JAKMIP2: variants seen among roughly 807,000 people sequenced by gnomAD.
JAKMIP2 encodes the protein janus kinase and microtubule-interacting protein 2.
In JAKMIP2, 25 loss-of-function variants were observed where a neutral mutation model predicts 115.0. The observed-to-expected ratio is 0.22, with a 90% CI of 0.16 to 0.30. The LOEUF (loss-of-function observed/expected upper bound fraction) is 0.30. JAKMIP2 is among the 10% of genes least tolerant of loss of function. JAKMIP2 has a pLI of 1.00. For synonymous variants in JAKMIP2, 334 were observed against 343.6 expected (o/e 0.97, Z 0.31); for missense variants, 642 against 957.6 (o/e 0.67, Z 4.35).
chr5:147,731,080 G>A (rs1279932796), intron 1 of JAKMIP2, among the ~76,000 whole-genome samples: 5 of 152,096 alleles, frequency 3.3e-5, no homozygotes, highest in Non-Finnish European at 7.3e-5. Flanking sequence ...AAATGAATGG[G>A]CAGGAAATGA....
intron 2 of JAKMIP2, among the ~76,000 whole-genome samples, chr5:147,670,003 C>T (rs1759498276): frequency 6.6e-6 from 1 of 152,228 alleles, no homozygotes; most frequent in African/African-American, 2.4e-5. Context: ...GATAGAGACA[C>T]TGTGACATTT....
chr5:147,707,138 T>C (rs1472978039), intron 1 of JAKMIP2, among the ~76,000 whole-genome samples: 1 of 152,138 alleles, frequency 6.6e-6, no homozygotes, highest in African/African-American at 2.4e-5. Context: ...GCCACCATGT[T>C]GAGTCCCAGA....
At chr5:147,715,166 A>C (rs1455735049) in intron 1 of JAKMIP2, among the ~76,000 whole-genome samples, 2 of 152,118 alleles carry the variant, frequency 1.3e-5, no homozygotes, top group Non-Finnish European at 2.9e-5. Flanking sequence ...TATAACTTCT[A>C]AGTTAATAGA....
intron 1 of JAKMIP2, among the ~76,000 whole-genome samples, chr5:147,684,246 T>C (rs1052489751): frequency 6.6e-6 from 1 of 150,746 alleles, no homozygotes; most frequent in Non-Finnish European, 1.5e-5. Flanking sequence ...GAGTTAAAGA[T>C]AATACAATAT....
At chr5:147,657,695 T>C (rs1324047463) in intron 3 of JAKMIP2, among the ~76,000 whole-genome samples, 1 of 152,104 alleles carries the variant, frequency 6.6e-6, no homozygotes, top group Non-Finnish European at 1.5e-5. Flanking sequence ...GAGGCTCTGT[T>C]CATTCCTTTT....
At chr5:147,679,777 C>T (rs193091048) in intron 1 of JAKMIP2, among the ~76,000 whole-genome samples, 1 of 152,290 alleles carries the variant, frequency 6.6e-6, no homozygotes, top group Non-Finnish European at 1.5e-5. Flanking sequence ...AACTCAAATA[C>T]ACATGTCAGT....
At chr5:147,698,710 T>G (rs1020154000) in intron 1 of JAKMIP2, among the ~76,000 whole-genome samples, 3 of 152,168 alleles carry the variant, frequency 2.0e-5, no homozygotes, top group Non-Finnish European at 4.4e-5. Flanking sequence ...TGCTTCCCCT[T>G]CTGCCATGAT....
At chr5:147,685,781 T>C (rs1179591879) in intron 1 of JAKMIP2, among the ~76,000 whole-genome samples, 1 of 152,220 alleles carries the variant, frequency 6.6e-6, no homozygotes, top group Non-Finnish European at 1.5e-5. Context: ...TATATAAAGA[T>C]AGGTGTTCAA....
chr5:147,671,115 G>A (rs1759562209), intron 2 of JAKMIP2, among the ~76,000 whole-genome samples: 1 of 152,182 alleles, frequency 6.6e-6, no homozygotes, highest in Admixed American at 6.5e-5. Context: ...AATGTGATTG[G>A]GGTCTCTCTC....
chr5:147,715,326 G>C (rs550026322), intron 1 of JAKMIP2, among the ~76,000 whole-genome samples: 1 of 151,786 alleles, frequency 6.6e-6, no homozygotes, highest in African/African-American at 2.4e-5. Context: ...ATTAAATTTA[G>C]ATAAATGAAA....
intron 2 of JAKMIP2, among the ~76,000 whole-genome samples, chr5:147,670,989 G>T (rs1759553630): frequency 6.6e-6 from 1 of 152,188 alleles, no homozygotes; most frequent in Non-Finnish European, 1.5e-5. Context: ...ACCTGACAAT[G>T]GGGAAGTGTT....
intron 1 of JAKMIP2, among the ~76,000 whole-genome samples, chr5:147,771,429 A>C (rs1755349255): frequency 6.6e-6 from 1 of 152,076 alleles, no homozygotes; most frequent in Non-Finnish European, 1.5e-5. Context: ...ATAAAACAAA[A>C]ACTAGCATTA....
intron 1 of JAKMIP2, among the ~76,000 whole-genome samples, chr5:147,758,495 CA>C (rs1429302192): frequency 3.9e-5 from 6 of 152,052 alleles, no homozygotes. Flanking sequence ...ACCTTCAAAT[CA>C]TAGAACAAAA....
intron 12 of JAKMIP2, among the ~76,000 whole-genome samples, chr5:147,633,983 C>G (rs1250601616): frequency 6.6e-6 from 1 of 152,144 alleles, no homozygotes; most frequent in Non-Finnish European, 1.5e-5. Context: ...AGCCATTGTG[C>G]CCGGCTGTCA....
At chr5:147,653,702 C>T (rs1321419409) in intron 3 of JAKMIP2, among the ~76,000 whole-genome samples, 7 of 152,136 alleles carry the variant, frequency 4.6e-5, no homozygotes, top group Non-Finnish European at 7.4e-5. Context: ...TGTGCAGAAG[C>T]CCTTTAGTTT....
chr5:147,597,873 C>T (rs946812471), intron 21 of JAKMIP2, among the ~76,000 whole-genome samples: 4 of 152,204 alleles, frequency 2.6e-5, no homozygotes, highest in Admixed American at 2.0e-4. Context: ...CTAGTAACTC[C>T]AGGTCCTTCA....
chr5:147,776,491 A>G (rs1028767413), intron 1 of JAKMIP2, among the ~76,000 whole-genome samples: 1 of 152,230 alleles, frequency 6.6e-6, no homozygotes, highest in African/African-American at 2.4e-5. Context: ...CAGTAAGTCA[A>G]TTAAACCTCT....
chr5:147,635,803 C>T (rs1217612060), intron 12 of JAKMIP2, among the ~76,000 whole-genome samples: 1 of 152,138 alleles, frequency 6.6e-6, no homozygotes, highest in African/African-American at 2.4e-5. Flanking sequence ...TCAGGTGATC[C>T]ACCCACCTCG....
At chr5:147,608,167 A>G (rs959728308) in intron 20 of JAKMIP2, among the ~76,000 whole-genome samples, 6 of 151,812 alleles carry the variant, frequency 4.0e-5, no homozygotes, top group Admixed American at 6.6e-5. Flanking sequence ...TCGTGTCTCT[A>G]TCTCCTTCAG....
Sources: gnomAD v4.1 joint callset for allele counts (sites outside exome capture counted in the v4.1 genomes callset) on GRCh38, gnomAD v4.1.1 for gene constraint, MANE v1.5 for transcripts, NCBI Gene and HGNC (gene_info 2026-07-23, HGNC 2026-07-21) for gene names.